The following SCN9A variants were observed in gnomAD, a reference collection of about 807,000 sequenced individuals.
The protein encoded by SCN9A is sodium channel protein type 9 subunit alpha.
In SCN9A, 131 loss-of-function variants were observed where a neutral mutation model predicts 187.0. That is an observed-to-expected ratio of 0.70 (90% CI 0.61 to 0.81). SCN9A has a LOEUF of 0.81. Ranked by LOEUF, SCN9A falls within the 30% of genes least tolerant of loss-of-function variation. The pLI, the probability that SCN9A is intolerant of heterozygous loss-of-function variation, is 0.00. For synonymous variants in SCN9A, 809 were observed against 808.6 expected, an observed-to-expected ratio of 1.00 and a Z score of -0.01; for missense variants, 2,252 against 2,396.6, an observed-to-expected ratio of 0.94 and a Z score of 1.26.
intron 22 of SCN9A, 112 bp downstream of exon 22, chr2:166,228,579 C>T: frequency 9.0e-7 from 1 of 1,113,994 alleles, no homozygotes; most frequent in Non-Finnish European, 1.3e-6. Flanking sequence ...GTTTTAAAAA[C>T]CACACAGTAT....
In SCN9A at chr2:166,242,565, A is replaced by G; in HGVS notation, c.3564T>C (p.Ile1188=). 6.3e-7 allele frequency: 1 copy of G among 1,585,280 alleles called. No individual in the cohort carries two copies. Residue 1188 remains isoleucine, a synonymous_variant, in exon 19 of 27, where the codon ATT becomes ATC. Coordinates refer to ENST00000642356, the MANE Select transcript of SCN9A (RefSeq NM_001365536.1). ...AGCTTTCAAACCAACTGTGTTCAACAATCTTGTAGCAGGTTTTCCTGATGT... is the reference window on the plus strand; with the variant it reads ...AGCTTTCAAACCAACTGTGTTCAACGATCTTGTAGCAGGTTTTCCTGATGT... ...WWNIRKTCYK[I]VEHSWFESFI...
chr2:166,355,977 T>C (rs1465744912), intron 1 of SCN9A, among the ~76,000 whole-genome samples: 1 of 152,152 alleles, frequency 6.6e-6, no homozygotes, highest in Non-Finnish European at 1.5e-5. Context: ...TTCACCATGT[T>C]GGCCAGGATG....
chr2:166,236,635 C>T (rs2106400838), intron 20 of SCN9A, among the ~76,000 whole-genome samples: 1 of 152,188 alleles, frequency 6.6e-6, no homozygotes, highest in Admixed American at 6.5e-5. Context: ...GTTGGCCAGG[C>T]TGGTCTCAAA....
intron 9 of SCN9A, among the ~76,000 whole-genome samples, chr2:166,289,563 T>G (rs183288237): frequency 6.6e-6 from 1 of 152,182 alleles, no homozygotes; most frequent in African/African-American, 2.4e-5. Flanking sequence ...TGTGCCACAT[T>G]TTCTTTATCC....
intron 17 of SCN9A, among the ~76,000 whole-genome samples, chr2:166,264,757 G>A (rs1473965921): frequency 1.3e-5 from 2 of 151,818 alleles, no homozygotes; most frequent in Non-Finnish European, 2.9e-5. Flanking sequence ...TTTTGGGTAG[G>A]GAGAAGAGAG....
At chr2:166,220,121 G>C (rs1349965814) in intron 24 of SCN9A, among the ~76,000 whole-genome samples, 1 of 152,110 alleles carries the variant, frequency 6.6e-6, no homozygotes, top group East Asian at 1.9e-4. Context: ...TTCAACATAT[G>C]CAGACCAATA....
Position 166,199,299 on chromosome 2 carries a change from C to T in SCN9A, c.5340G>A (p.Glu1780=), listed in dbSNP as rs1227082487. Residue 1780 remains glutamate (E), a synonymous_variant, in exon 27 of 27, where the codon GAG becomes GAA. Coordinates refer to ENST00000642356, the MANE Select transcript of SCN9A (RefSeq NM_001365536.1). ...ACTTCTCCCAAACCTCATAGAACATCTCAAAGTCATCCTCACTCAGAGGTT... is the reference window on the plus strand; with the variant it reads ...ACTTCTCCCAAACCTCATAGAACATTTCAAAGTCATCCTCACTCAGAGGTT... ...STEPLSEDDF[E]MFYEVWEKFD... 2 of 1,614,174 alleles carry T rather than the reference C, an allele frequency of 1.2e-6. No individual in the cohort carries two copies. The highest frequency in any genetic ancestry group is 1.1e-5 in the South Asian group (1 of 91,082).
At chr2:166,311,476 C>A in intron 2 of SCN9A, 23 bp downstream of exon 2, 1 of 1,484,470 alleles carries the variant, frequency 6.7e-7, no homozygotes, top group Non-Finnish European at 9.0e-7. Flanking sequence ...AGAAACTGAC[C>A]ACTGAAGTCA....
At chr2:166,225,744 C>T (rs1413639682) in intron 24 of SCN9A, among the ~76,000 whole-genome samples, 2 of 152,082 alleles carry the variant, frequency 1.3e-5, no homozygotes, top group African/African-American at 4.8e-5. Flanking sequence ...GTGTGACTGG[C>T]ATCCTTACTA....
intron 1 of SCN9A, among the ~76,000 whole-genome samples, chr2:166,363,731 T>TTCTA (rs1700346376): frequency 6.6e-6 from 1 of 151,980 alleles, no homozygotes; most frequent in African/African-American, 2.4e-5. Context: ...ACGTCAGAGT[T>TTCTA]AGAACTGTAA....
At chr2:166,345,271 A>G (rs1699873257) in intron 1 of SCN9A, among the ~76,000 whole-genome samples, 1 of 151,520 alleles carries the variant, frequency 6.6e-6, no homozygotes, top group African/African-American at 2.4e-5. Context: ...TCAGGACATC[A>G]TGACAAAATT....
At chr2:166,314,011 T>C (rs1312729647) in intron 1 of SCN9A, among the ~76,000 whole-genome samples, 1 of 152,196 alleles carries the variant, frequency 6.6e-6, no homozygotes, top group Non-Finnish European at 1.5e-5. Context: ...TCACATTTAA[T>C]GATTGTTTGC....
intron 17 of SCN9A, among the ~76,000 whole-genome samples, chr2:166,253,216 G>T (rs76048974): frequency 0.019 from 2,916 of 151,810 alleles, 99 homozygotes; most frequent in African/African-American, 0.067. Flanking sequence ...ATAAAGTATT[G>T]TACATAAGGA....
At chr2:166,362,061 A>G (rs1471854006) in intron 1 of SCN9A, among the ~76,000 whole-genome samples, 1 of 152,080 alleles carries the variant, frequency 6.6e-6, no homozygotes, top group Non-Finnish European at 1.5e-5. Flanking sequence ...GGACATTGTC[A>G]AAACTAGTGA....
At chr2:166,367,875 A>G (rs991057754) in intron 1 of SCN9A, among the ~76,000 whole-genome samples, 1 of 152,240 alleles carries the variant, frequency 6.6e-6, no homozygotes, top group African/African-American at 2.4e-5. Flanking sequence ...ATTGGTGTCC[A>G]AGAAGAAAAT....
chr2:166,319,759 T>A (rs1699193325), intron 1 of SCN9A, among the ~76,000 whole-genome samples: 1 of 152,132 alleles, frequency 6.6e-6, no homozygotes. Context: ...TACACATATA[T>A]GTGTTAAATA....
chr2:166,239,221 T>TAAAAAAAAAAAAAAAAAA (rs1558974298), intron 19 of SCN9A, among the ~76,000 whole-genome samples: 1 of 130,082 alleles, frequency 7.7e-6, no homozygotes. Flanking sequence ...AGACTCTGTC[T>TAAAAAAAAAAAAAAAAAA]CAAAAAAAAA....
In SCN9A at chr2:166,306,053, C is replaced by A. The variant is rs940243580; in HGVS notation, c.468-133G>T. The A allele has an allele frequency of 7.1e-5, 66 of 923,330 alleles. No individual in the cohort carries two copies. The Middle Eastern group carries it at 9.4e-4, about 13-fold the overall frequency. The allele number at this position is 923,330 out of a possible 1,614,324, so 57.2% of individuals were successfully genotyped here. A position where few individuals can be genotyped will look rare whatever the true frequency, so the allele number is the denominator to read the frequency against. ...GGATGGCTGTTGGGTTATGGACACA[C>A]CCTATTAAACTACAATAGGTCTATC... On this transcript the variant is annotated intron_variant, in intron 4 of 26. Coordinates refer to ENST00000642356, the MANE Select transcript of SCN9A (RefSeq NM_001365536.1).
rs566656331 is a variant in SCN9A, at chr2:166,357,348, C to A, written c.-51+18349G>T. Reference sequence around the variant, plus strand: ...AATTCTCTTTTGTTACCTAGTGTAACGCCTACAGGGCCATAGCTGAATTTC... The same window carrying A: ...AATTCTCTTTTGTTACCTAGTGTAAAGCCTACAGGGCCATAGCTGAATTTC... On this transcript the variant is annotated intron_variant, in intron 1 of 26. Transcript: ENST00000642356. Among the ~76,000 whole-genome samples, 4 of 152,238 alleles carry A rather than the reference C, an allele frequency of 2.6e-5. No homozygotes were observed. The South Asian group carries it at 8.3e-4, about 32-fold the overall frequency.
Sources: gnomAD v4.1 joint callset for allele counts (sites outside exome capture counted in the v4.1 genomes callset) on GRCh38, gnomAD v4.1.1 for gene constraint, MANE v1.5 for transcripts, NCBI Gene and HGNC (gene_info 2026-07-23, HGNC 2026-07-21) for gene names.